TXLNB: variants seen among roughly 807,000 people sequenced by gnomAD.
TXLNB encodes taxilin beta.
A neutral mutation model predicts 57.4 loss-of-function variants in TXLNB; 37 were observed. That is an observed-to-expected ratio of 0.64 (90% CI 0.50 to 0.85). TXLNB has a LOEUF of 0.85. Ranked by LOEUF, TXLNB falls within the 40% of genes least tolerant of loss-of-function variation. TXLNB has a pLI of 0.00. For missense variants in TXLNB, 848 were observed against 825.6 expected (o/e 1.03, Z -0.33); for synonymous variants, 302 against 309.6 (o/e 0.98, Z 0.26).
chr6:139,233,307 A>G, the TXLNB span, among the ~76,000 whole-genome samples: 5 of 149,382 alleles, frequency 3.3e-5, no homozygotes, highest in Non-Finnish European at 7.4e-5. Context: ...AATGTTTATT[A>G]TGTAATTTTA....
chr6:139,214,947 A>G, the TXLNB span, among the ~76,000 whole-genome samples: 1 of 152,164 alleles, frequency 6.6e-6, no homozygotes, highest in African/African-American at 2.4e-5. Context: ...TTCAAGGAGA[A>G]ATACAAACCA....
intron 4 of TXLNB, among the ~76,000 whole-genome samples, chr6:139,267,088 G>T (rs2114541947): frequency 6.6e-6 from 1 of 151,324 alleles, no homozygotes; most frequent in Non-Finnish European, 1.5e-5. Flanking sequence ...TAAGAGAATT[G>T]ATTACCAGCA....
At chr6:139,260,823 G>A (rs1776462486) in intron 5 of TXLNB, among the ~76,000 whole-genome samples, 1 of 152,138 alleles carries the variant, frequency 6.6e-6, no homozygotes, top group South Asian at 2.1e-4. Context: ...TGGTATTTTG[G>A]CTCTTTCTGT....
At chr6:139,173,571 T>C in the TXLNB span, among the ~76,000 whole-genome samples, 18 of 152,126 alleles carry the variant, frequency 1.2e-4, no homozygotes, top group Admixed American at 8.5e-4. Flanking sequence ...CTGATGGTAG[T>C]TTTTAACATG....
chr6:139,186,572 A>C, the TXLNB span, among the ~76,000 whole-genome samples: 1 of 152,186 alleles, frequency 6.6e-6, no homozygotes, highest in East Asian at 1.9e-4. Context: ...GTTTTCTTAA[A>C]AAGTTAAACA....
chr6:139,312,147 T>C, the TXLNB span, among the ~76,000 whole-genome samples: 7 of 152,172 alleles, frequency 4.6e-5, no homozygotes, highest in Non-Finnish European at 1.0e-4. Flanking sequence ...ACTACACTAT[T>C]ATGTTTTGGT....
chr6:139,182,384 A>G, the TXLNB span, among the ~76,000 whole-genome samples: 2 of 152,254 alleles, frequency 1.3e-5, no homozygotes, highest in East Asian at 3.8e-4. Flanking sequence ...CATACTGTAG[A>G]AGGAAAAAAG....
rs543158091 is a variant in TXLNB at position 139,240,459 on chromosome 6, G to A, written c.*2067C>T. 5.2e-5 allele frequency: 8 copies of A among 152,736 alleles called. No individual in the cohort carries two copies. The South Asian group carries it at 1.0e-3, about 20-fold the overall frequency. 9.5% of individuals were successfully genotyped at this position (152,736 alleles called of 1,614,324 possible). A position where few individuals can be genotyped will look rare whatever the true frequency, so the allele number is the denominator to read the frequency against. On this transcript the variant is annotated 3_prime_UTR_variant, in exon 10 of 10. Coordinates refer to ENST00000358430, the MANE Select transcript of TXLNB (RefSeq NM_153235.4). ...AGAATATTTGATTTACTGCCTTTGG[G>A]TTCCTCTGCTGCCTGTTTCTCTTGC...
chr6:139,246,770 C>T (rs888082869), intron 8 of TXLNB, among the ~76,000 whole-genome samples: 8 of 151,892 alleles, frequency 5.3e-5, no homozygotes, highest in East Asian at 1.9e-4. Context: ...TAAAATTAAC[C>T]GGACATGGTG....
At chr6:139,166,115 T>C in the TXLNB span, 1 of 585,656 alleles carries the variant, frequency 1.7e-6, no homozygotes, top group Admixed American at 3.4e-5. Flanking sequence ...AGTAGCTTCA[T>C]CATATTATTC....
upstream of TXLNB, among the ~76,000 whole-genome samples, chr6:139,295,587 G>A (rs1341148422): frequency 6.6e-6 from 1 of 150,456 alleles, no homozygotes; most frequent in Non-Finnish European, 1.5e-5. Flanking sequence ...TTTGGGGGGG[G>A]GATTTACTTT....
At chr6:139,184,382 G>C in the TXLNB span, among the ~76,000 whole-genome samples, 3 of 152,220 alleles carry the variant, frequency 2.0e-5, no homozygotes, top group Non-Finnish European at 1.5e-5. Context: ...GTAATTCTGT[G>C]AGGCCTAGCT....
rs762872500 is a variant in TXLNB at position 139,242,482 on chromosome 6, A to C, written c.*44T>G. 1 of 1,441,780 alleles carries C rather than the reference A, an allele frequency of 6.9e-7. No homozygotes were observed. The highest frequency in any genetic ancestry group is 9.1e-7 in the Non-Finnish European group (1 of 1,093,614). 89.3% of individuals were successfully genotyped at this position (1,441,780 alleles called of 1,614,324 possible). A position where few individuals can be genotyped will look rare whatever the true frequency, so the allele number is the denominator to read the frequency against. Reference sequence around the variant, plus strand: ...TTCGGAAGACAAGCTGTTATGCTGAATATGCAAAGAGGCAGGAAGAAGCCT... The same window carrying C: ...TTCGGAAGACAAGCTGTTATGCTGACTATGCAAAGAGGCAGGAAGAAGCCT... On this transcript the variant is annotated 3_prime_UTR_variant, in exon 10 of 10. Coordinates refer to ENST00000358430, the MANE Select transcript of TXLNB (RefSeq NM_153235.4).
At chr6:139,238,515 A>G (rs1450001784), downstream of TXLNB, among the ~76,000 whole-genome samples, 1 of 152,238 alleles carries the variant, frequency 6.6e-6, no homozygotes. Flanking sequence ...TCACACGCAC[A>G]TGTGACAGAA....
At chr6:139,222,617 G>A in the TXLNB span, among the ~76,000 whole-genome samples, 1 of 152,278 alleles carries the variant, frequency 6.6e-6, no homozygotes, top group East Asian at 1.9e-4. Flanking sequence ...GACCAGCCTG[G>A]CCAACATGGC....
chr6:139,237,879 T>G (rs1188350876), downstream of TXLNB, among the ~76,000 whole-genome samples: 3 of 152,176 alleles, frequency 2.0e-5, no homozygotes, highest in Non-Finnish European at 4.4e-5. Flanking sequence ...TGCATTTGGG[T>G]TTAGCTGAGC....
At chr6:139,171,216 G>A in the TXLNB span, among the ~76,000 whole-genome samples, 2 of 151,992 alleles carry the variant, frequency 1.3e-5, no homozygotes, top group African/African-American at 2.4e-5. Flanking sequence ...AGAGCTCTTG[G>A]ATAGGAAGAA....
chr6:139,295,684 G>C (rs1777377138), upstream of TXLNB, among the ~76,000 whole-genome samples: 2 of 152,004 alleles, frequency 1.3e-5, no homozygotes, highest in Non-Finnish European at 2.9e-5. Flanking sequence ...GATAGATGAA[G>C]ATTTTCATTG....
At chr6:139,260,571 A>T (rs761290600) in intron 5 of TXLNB, 134 bp from the exon 6 acceptor site, 3 of 952,432 alleles carry the variant, frequency 3.1e-6, no homozygotes, top group Non-Finnish European at 4.6e-6. Context: ...ATGCATTGGC[A>T]TCACTTACAG....
Sources: allele counts gnomAD v4.1 joint callset (sites outside exome capture counted in the v4.1 genomes callset), GRCh38; gene constraint gnomAD v4.1.1; transcripts MANE v1.5; gene names NCBI Gene and HGNC (gene_info 2026-07-23, HGNC 2026-07-21).